Variants in ADGRB3 observed in about 807,000 individuals in gnomAD.
ADGRB3 encodes the protein brain-specific angiogenesis inhibitor 3.
In ADGRB3, 37 loss-of-function variants were observed where a neutral mutation model predicts 193.4. That is an observed-to-expected ratio of 0.19 (90% confidence interval 0.15 to 0.25). ADGRB3 has a LOEUF of 0.25. Among genes scored for constraint, ADGRB3 ranks in the 10% least tolerant of loss-of-function variants. The pLI is 1.00. For missense variants in ADGRB3, 1,637 were observed against 1,852.9 expected (o/e 0.88, Z 2.14); for synonymous variants, 690 against 644.2 (o/e 1.07, Z -1.08).
At chr6:69,099,374 T>C (rs891638956) in intron 17 of ADGRB3, among the ~76,000 whole-genome samples, 20 of 152,228 alleles carry the variant, frequency 1.3e-4, no homozygotes, top group Admixed American at 9.2e-4. Flanking sequence ...GCTTTCTCTG[T>C]CTTCAGATCT....
intron 17 of ADGRB3, among the ~76,000 whole-genome samples, chr6:69,122,368 GA>G (rs1394355379): frequency 3.3e-5 from 5 of 150,494 alleles, no homozygotes; most frequent in Non-Finnish European, 5.9e-5. Context: ...AGAACCACGG[GA>G]GCCCGGGGCA....
chr6:69,081,360 A>G (rs997301606), intron 17 of ADGRB3, among the ~76,000 whole-genome samples: 8 of 152,054 alleles, frequency 5.3e-5, no homozygotes, highest in Admixed American at 5.2e-4. Flanking sequence ...ATTATAGTCA[A>G]AGATGCTAAT....
intron 13 of ADGRB3, among the ~76,000 whole-genome samples, chr6:69,031,519 C>CTCCT (rs1770685635): frequency 4.7e-5 from 1 of 21,270 alleles, no homozygotes; most frequent in Non-Finnish European, 1.1e-4. Context: ...TTTGAGTTGT[C>CTCCT]TCTTTCTTTC....
At chr6:69,101,483 AAGG>A (rs1048199160) in intron 17 of ADGRB3, among the ~76,000 whole-genome samples, 1 of 146,496 alleles carries the variant, frequency 6.8e-6, no homozygotes, top group Non-Finnish European at 1.5e-5. Context: ...GTGAGCAAAA[AAGG>A]AGAATACAAG....
chr6:68,819,838 C>T (rs1334560838), intron 3 of ADGRB3, among the ~76,000 whole-genome samples: 14 of 151,962 alleles, frequency 9.2e-5, no homozygotes, highest in Admixed American at 8.5e-4. Flanking sequence ...TGTTCGTCTG[C>T]TTTGTGCTGT....
chr6:68,679,342 G>A (rs1247715433), intron 3 of ADGRB3, among the ~76,000 whole-genome samples: 1 of 152,056 alleles, frequency 6.6e-6, no homozygotes, highest in Non-Finnish European at 1.5e-5. Flanking sequence ...TTTCTTCCTT[G>A]TGGATCTGCA....
At chr6:69,024,559 A>G (rs535649592) in intron 13 of ADGRB3, among the ~76,000 whole-genome samples, 203 of 152,316 alleles carry the variant, frequency 1.3e-3, no homozygotes, top group African/African-American at 4.8e-3. Context: ...GAAAATATCA[A>G]ATAAGAAGGG....
At chr6:68,734,016 A>G (rs1164667025) in intron 3 of ADGRB3, among the ~76,000 whole-genome samples, 4 of 152,010 alleles carry the variant, frequency 2.6e-5, no homozygotes, top group Non-Finnish European at 4.4e-5. Context: ...AAGTTTAAAA[A>G]TAATAAAATA....
chr6:69,166,672 G>T (rs1305677777), intron 17 of ADGRB3, among the ~76,000 whole-genome samples: 1 of 152,090 alleles, frequency 6.6e-6, no homozygotes, highest in Non-Finnish European at 1.5e-5. Flanking sequence ...GCCACTCACT[G>T]TTGTAGGCAC....
intron 17 of ADGRB3, among the ~76,000 whole-genome samples, chr6:69,159,158 C>T (rs1044053287): frequency 6.6e-6 from 1 of 152,034 alleles, no homozygotes; most frequent in Non-Finnish European, 1.5e-5. Context: ...TCAGCTCCCT[C>T]TAATATATTT....
At chr6:68,884,176 C>T (rs554658988) in intron 3 of ADGRB3, among the ~76,000 whole-genome samples, 1 of 152,226 alleles carries the variant, frequency 6.6e-6, no homozygotes, top group African/African-American at 2.4e-5. Flanking sequence ...TCAATATAGG[C>T]TTTAACATAT....
At chr6:68,928,357 C>T (rs1767242291) in intron 3 of ADGRB3, among the ~76,000 whole-genome samples, 1 of 151,992 alleles carries the variant, frequency 6.6e-6, no homozygotes, top group Non-Finnish European at 1.5e-5. Context: ...GAGACCTGCT[C>T]CAACAACAAC....
chr6:69,163,334 TCTTTA>T (rs918481130), intron 17 of ADGRB3, among the ~76,000 whole-genome samples: 3 of 152,064 alleles, frequency 2.0e-5, no homozygotes, highest in African/African-American at 7.2e-5. Context: ...AATATCTGAT[TCTTTA>T]CTTTAATTGG....
At chr6:68,693,561 A>G (rs890532503) in intron 3 of ADGRB3, among the ~76,000 whole-genome samples, 1 of 152,020 alleles carries the variant, frequency 6.6e-6, no homozygotes, top group African/African-American at 2.4e-5. Flanking sequence ...AGAAAATGAT[A>G]GTGGGAAAAT....
intron 3 of ADGRB3, among the ~76,000 whole-genome samples, chr6:68,743,062 G>C (rs1317948565): frequency 6.6e-6 from 1 of 151,916 alleles, no homozygotes; most frequent in African/African-American, 2.4e-5. Context: ...GCTGGATTTC[G>C]TGAGCTCTTT....
rs1582378878 is a variant in ADGRB3 at position 68,994,058 on chromosome 6, AG to A, written c.1929+98del. The A allele has an allele frequency of 4.9e-6, 6 of 1,221,430 alleles. No individual in the cohort carries two copies. The East Asian group carries it at 1.2e-4, about 24-fold the overall frequency. The allele number at this position is 1,221,430 out of a possible 1,614,324, so 75.7% of individuals were successfully genotyped here. A position where few individuals can be genotyped will look rare whatever the true frequency, so the allele number is the denominator to read the frequency against. ...TGCAGCCGTCTTGGAGGCGGACTGG[AG>A]GAAGATAATGCTCATCCAAGTTATG... On this transcript the variant is annotated intron_variant, in intron 11 of 31. Transcript: ENST00000370598.
chr6:69,044,248 C>G (rs909670277), intron 13 of ADGRB3, among the ~76,000 whole-genome samples: 6 of 152,260 alleles, frequency 3.9e-5, no homozygotes, highest in Admixed American at 6.5e-5. Context: ...ATCCCTCCAC[C>G]CTTACATTCT....
chr6:68,963,344 C>T (rs970160483), intron 8 of ADGRB3, among the ~76,000 whole-genome samples: 5 of 152,206 alleles, frequency 3.3e-5, no homozygotes, highest in African/African-American at 9.6e-5. Flanking sequence ...TATGACAACA[C>T]CTGCCTTCTC....
intron 3 of ADGRB3, among the ~76,000 whole-genome samples, chr6:68,855,303 A>T (rs1014587651): frequency 2.0e-5 from 3 of 152,162 alleles, no homozygotes; most frequent in Non-Finnish European, 4.4e-5. Context: ...GCCTCAAGTT[A>T]TAGTGTCTTC....
Sources: gnomAD v4.1 joint callset for allele counts (sites outside exome capture counted in the v4.1 genomes callset) on GRCh38, gnomAD v4.1.1 for gene constraint, MANE v1.5 for transcripts, NCBI Gene and HGNC (gene_info 2026-07-23, HGNC 2026-07-21) for gene names.